GRM1: variants seen among roughly 807,000 people sequenced by gnomAD.
The protein encoded by GRM1 is metabotropic glutamate receptor 1.
In GRM1, 33 loss-of-function variants were observed where a neutral mutation model predicts 90.9. The observed-to-expected ratio is 0.36, with a 90% CI of 0.28 to 0.49. GRM1 has a LOEUF of 0.49. Among genes scored for constraint, GRM1 ranks in the 20% least tolerant of loss-of-function variants. GRM1 has a pLI of 0.99. For synonymous variants in GRM1, 700 were observed against 613.2 expected (o/e 1.14, Z -2.09); for missense variants, 1,190 against 1,534.3 (o/e 0.78, Z 3.75).
intron 3 of GRM1, among the ~76,000 whole-genome samples, chr6:146,333,520 A>T (rs1417447555): frequency 6.6e-6 from 1 of 152,128 alleles, no homozygotes; most frequent in African/African-American, 2.4e-5. Flanking sequence ...TGCTAATATA[A>T]TTTCTACCAG....
intron 7 of GRM1, among the ~76,000 whole-genome samples, chr6:146,411,632 C>T (rs1279368493): frequency 6.6e-6 from 1 of 152,116 alleles, no homozygotes; most frequent in Non-Finnish European, 1.5e-5. Flanking sequence ...CAGGAGGAGA[C>T]TGGTACAGGG....
intron 2 of GRM1, among the ~76,000 whole-genome samples, chr6:146,288,866 A>G (rs1275919868): frequency 6.6e-6 from 1 of 152,140 alleles, no homozygotes; most frequent in Non-Finnish European, 1.5e-5. Flanking sequence ...ATTATAATAG[A>G]GGTGAAGAAT....
At chr6:146,176,717 A>G (rs768333516) in intron 2 of GRM1, among the ~76,000 whole-genome samples, 2 of 152,126 alleles carry the variant, frequency 1.3e-5, no homozygotes, top group Non-Finnish European at 2.9e-5. Flanking sequence ...TACCAAAATA[A>G]TTAGTTGATT....
At chr6:146,218,185 T>G (rs1158311130) in intron 2 of GRM1, among the ~76,000 whole-genome samples, 1 of 152,126 alleles carries the variant, frequency 6.6e-6, no homozygotes, top group Non-Finnish European at 1.5e-5. Flanking sequence ...GTGAGAGGAA[T>G]AGACACAAGG....
chr6:146,234,433 C>A (rs1186553808), intron 2 of GRM1, among the ~76,000 whole-genome samples: 1 of 151,766 alleles, frequency 6.6e-6, no homozygotes, highest in Non-Finnish European at 1.5e-5. Flanking sequence ...ATTGGGTTTT[C>A]AATGATTCAT....
chr6:146,234,091 T>G (rs1158388291), intron 2 of GRM1, among the ~76,000 whole-genome samples: 1 of 152,088 alleles, frequency 6.6e-6, no homozygotes, highest in African/African-American at 2.4e-5. Flanking sequence ...TCAAGGTTCA[T>G]TTATGTTATA....
intron 2 of GRM1, among the ~76,000 whole-genome samples, chr6:146,168,417 TTATTTC>T (rs1170466422): frequency 2.0e-5 from 3 of 152,036 alleles, no homozygotes; most frequent in Non-Finnish European, 2.9e-5. Context: ...ATTATGTATT[TTATTTC>T]TATATCTATT....
chr6:146,352,398 C>T lies in GRM1; in HGVS notation c.1335C>T (p.Ile445=), dbSNP rs149228899. 13 of 1,613,914 alleles carry T rather than the reference C, an allele frequency of 8.1e-6. No individual in the cohort carries two copies. Among genetic ancestry groups the T allele is most frequent in the Admixed American group, 3.3e-5 (2 of 60,012 alleles). The change falls in exon 4 of 8, where the codon ATC becomes ATT. Residue 445 remains isoleucine (I), a synonymous_variant. Coordinates refer to ENST00000282753, the MANE Select transcript of GRM1 (RefSeq NM_001278064.2). ...GCCTCTGCGATGCCATGAAGCCCAT[C>T]GACGGCAGCAAGCTGCTGGACTTCC... ...HVGLCDAMKP[I]DGSKLLDFLI... is the part of the protein sequence containing the mutation.
chr6:146,032,015 A>G (rs903675484), intron 1 of GRM1, among the ~76,000 whole-genome samples: 1 of 152,136 alleles, frequency 6.6e-6, no homozygotes, highest in East Asian at 1.9e-4. Context: ...ATATTTCATT[A>G]TAAGATTGTT....
chr6:146,103,746 C>T (rs1286861621), intron 1 of GRM1, among the ~76,000 whole-genome samples: 1 of 152,166 alleles, frequency 6.6e-6, no homozygotes, highest in Non-Finnish European at 1.5e-5. Context: ...ATTCATTCAT[C>T]CTGGCAACAT....
chr6:146,416,578 A>G (rs1445991742), intron 7 of GRM1, among the ~76,000 whole-genome samples: 1 of 152,068 alleles, frequency 6.6e-6, no homozygotes. Flanking sequence ...CCTATCTTAT[A>G]TTATTATTAA....
intron 1 of GRM1, among the ~76,000 whole-genome samples, chr6:146,031,316 G>T (rs370275716): frequency 6.6e-6 from 1 of 152,106 alleles, no homozygotes; most frequent in African/African-American, 2.4e-5. Context: ...AGACAATCTT[G>T]CTGGTATTTC....
intron 3 of GRM1, among the ~76,000 whole-genome samples, chr6:146,322,379 C>T (rs1036452247): frequency 2.6e-5 from 4 of 152,100 alleles, no homozygotes; most frequent in African/African-American, 7.2e-5. Flanking sequence ...GGTCCGGGAC[C>T]CACTTGAGGA....
At chr6:146,243,212 T>C (rs1780929828) in intron 2 of GRM1, among the ~76,000 whole-genome samples, 1 of 152,120 alleles carries the variant, frequency 6.6e-6, no homozygotes, top group East Asian at 1.9e-4. Flanking sequence ...ATAAAATGTA[T>C]TCACAATATA....
chr6:146,310,594 T>C (rs986743271), intron 3 of GRM1, among the ~76,000 whole-genome samples: 3 of 152,172 alleles, frequency 2.0e-5, no homozygotes, highest in African/African-American at 7.2e-5. Flanking sequence ...CCTCGAGAGG[T>C]AGAGTTTTGT....
At chr6:146,372,550 C>T (rs1775942115) in intron 5 of GRM1, among the ~76,000 whole-genome samples, 1 of 152,064 alleles carries the variant, frequency 6.6e-6, no homozygotes, top group African/African-American at 2.4e-5. Context: ...GATCAATGTC[C>T]TGGAAATGTT....
chr6:146,271,125 C>T (rs917665568), intron 2 of GRM1, among the ~76,000 whole-genome samples: 10 of 151,836 alleles, frequency 6.6e-5, no homozygotes, highest in Admixed American at 5.9e-4. Flanking sequence ...CTGCCTCAAC[C>T]TGCTGAGTAG....
At chr6:146,144,159 C>G (rs1777002142) in intron 1 of GRM1, among the ~76,000 whole-genome samples, 1 of 152,128 alleles carries the variant, frequency 6.6e-6, no homozygotes, top group Non-Finnish European at 1.5e-5. Flanking sequence ...CAGATGGGTA[C>G]CACTTGCTGT....
chr6:146,221,137 C>T (rs2114676124), intron 2 of GRM1, among the ~76,000 whole-genome samples: 1 of 152,288 alleles, frequency 6.6e-6, no homozygotes, highest in East Asian at 1.9e-4. Context: ...AGCCACTCAA[C>T]ATCCAGTGTA....
Sources: allele counts gnomAD v4.1 joint callset (sites outside exome capture counted in the v4.1 genomes callset), GRCh38; gene constraint gnomAD v4.1.1; transcripts MANE v1.5; gene names NCBI Gene and HGNC (gene_info 2026-07-23, HGNC 2026-07-21).